The following PTHLH variants were observed in gnomAD, a reference collection of about 807,000 sequenced individuals.
PTHLH encodes parathyroid hormone like hormone, also known as parathyroid hormone-related protein.
A neutral mutation model predicts 18.6 loss-of-function variants in PTHLH; 5 were observed. The ratio of observed to expected loss-of-function variants is 0.27; its 90% CI spans 0.14 to 0.56. PTHLH has a LOEUF of 0.56. Ranked by LOEUF, PTHLH falls within the 20% of genes least tolerant of loss-of-function variation. The pLI, the probability that PTHLH is intolerant of heterozygous loss-of-function variation, is 0.92. For missense variants in PTHLH, 207 were observed against 223.9 expected (o/e 0.92, Z 0.48); for synonymous variants, 90 against 94.0 (o/e 0.96, Z 0.25).
At chr12:27,964,278 TCTCACACA>T (rs2062791874) in intron 4 of PTHLH, among the ~76,000 whole-genome samples, 1 of 141,290 alleles carries the variant, frequency 7.1e-6, no homozygotes, top group Admixed American at 7.1e-5. Flanking sequence ...CCTCTCTCTC[TCTCACACA>T]CACACACACA....
Position 27,963,561 on chromosome 12 carries a change from A to C in PTHLH, c.311T>G (p.Leu104Arg), listed in dbSNP as rs2062781233. 6.2e-7 allele frequency: 1 copy of C among 1,613,920 alleles called. No homozygotes were observed. The highest frequency in any genetic ancestry group is 1.7e-5 in the Admixed American group (1 of 60,000). ...RFGSDDEGRY[L>R]TQETNKVETY... Reference sequence around the variant, plus strand: ...CTCCACCTTGTTAGTTTCCTGAGTTAGGTATCTGCCCTCATCATCAGACCC... The same window carrying C: ...CTCCACCTTGTTAGTTTCCTGAGTTCGGTATCTGCCCTCATCATCAGACCC... The change falls in exon 5 of 6, where the codon CTA becomes CGA. Residue 104 changes from leucine (L) to arginine (R), a missense_variant. Coordinates refer to ENST00000545234, the MANE Select transcript of PTHLH (RefSeq NM_198965.2).
rs1422175031 is a variant in PTHLH, at chr12:27,969,526, A to C, written c.-22-10T>G. On this transcript the variant is annotated splice_polypyrimidine_tract_variant and intron_variant, in intron 3 of 5. Coordinates refer to ENST00000545234, the MANE Select transcript of PTHLH (RefSeq NM_198965.2). ...CGCTCGCGCTCGGGACCTGCAACAG[A>C]AGGGAATGGGACCCGAGTGTCAGTC... 1 of 1,546,334 alleles carries C rather than the reference A, an allele frequency of 6.5e-7. No homozygotes were observed. Among genetic ancestry groups the C allele is most frequent in the Non-Finnish European group, 8.7e-7 (1 of 1,145,692 alleles).
intron 5 of PTHLH, among the ~76,000 whole-genome samples, chr12:27,961,353 A>ACG: frequency 1.4e-5 from 2 of 140,254 alleles, no homozygotes; most frequent in Non-Finnish European, 3.1e-5. Flanking sequence ...TCATAGAAAC[A>ACG]TATCCCCCTA....
intron 5 of PTHLH, chr12:27,963,090 T>C (rs2062775499): frequency 7.2e-7 from 1 of 1,386,214 alleles, no homozygotes; most frequent in African/African-American, 1.5e-5. Context: ...GGTAAAGGAT[T>C]GATGTTGGGT....
At chr12:27,963,202 G>C in intron 5 of PTHLH, 146 bp downstream of exon 5, 1 of 1,533,962 alleles carries the variant, frequency 6.5e-7, no homozygotes, top group Non-Finnish European at 8.7e-7. Context: ...ACAATATTCT[G>C]AGTTATTCTC....
At chr12:27,965,834 T>C (rs935255103) in intron 4 of PTHLH, among the ~76,000 whole-genome samples, 1 of 152,210 alleles carries the variant, frequency 6.6e-6, no homozygotes, top group African/African-American at 2.4e-5. Flanking sequence ...ATTTATAAAA[T>C]AATAGGACAG....
At chr12:27,963,024 AT>A in intron 5 of PTHLH, 1 of 1,229,078 alleles carries the variant, frequency 8.1e-7, no homozygotes, top group Non-Finnish European at 1.0e-6. Flanking sequence ...TCTCCAGCAA[AT>A]TATGAAGATG....
chr12:27,963,466 G>T lies in PTHLH; in HGVS notation c.406C>A (p.Gln136Lys). 1 of 1,614,114 alleles carries T rather than the reference G, an allele frequency of 6.2e-7. No homozygotes were observed. Among genetic ancestry groups the T allele is most frequent in the Non-Finnish European group, 8.5e-7 (1 of 1,180,018 alleles). The change falls in exon 5 of 6, where the codon CAG becomes AAG. Residue 136 changes from glutamine to lysine, a missense_variant. Coordinates refer to ENST00000545234, the MANE Select transcript of PTHLH (RefSeq NM_198965.2). Reference sequence around the variant, plus strand: ...CGAGTTCGCCGTTTTTTCTTTTCCTGCTCCTTGCGTTTCCCGGGCTTGCCT... The same window carrying T: ...CGAGTTCGCCGTTTTTTCTTTTCCTTCTCCTTGCGTTTCCCGGGCTTGCCT... ...KKGKPGKRKE[Q>K]EKKKRRTRSA... is the part of the protein sequence containing the mutation.
chr12:27,958,352 G>GT lies in PTHLH; in HGVS notation c.*206dup. 2.5e-6 allele frequency: 1 copy of GT among 408,094 alleles called. No homozygotes were observed. Among genetic ancestry groups the GT allele is most frequent in the Non-Finnish European group, 4.4e-6 (1 of 229,162 alleles). 25.3% of individuals were successfully genotyped at this position (408,094 alleles called of 1,614,324 possible). A position where few individuals can be genotyped will look rare whatever the true frequency, so the allele number is the denominator to read the frequency against. ...ACATCAATGGACAAAATAAATTATG[G>GT]TAAATGTGATAATAATAATTGGATT... On this transcript the variant is annotated 3_prime_UTR_variant, in exon 6 of 6. Transcript: ENST00000545234.
At chr12:27,968,880 C>A (rs540838361) in intron 4 of PTHLH, among the ~76,000 whole-genome samples, 3 of 152,200 alleles carry the variant, frequency 2.0e-5, no homozygotes, top group African/African-American at 4.8e-5. Flanking sequence ...TTATATAATA[C>A]GCTTTTATTA....
intron 4 of PTHLH, among the ~76,000 whole-genome samples, chr12:27,968,126 A>AC (rs1169211085): frequency 5.9e-5 from 9 of 152,252 alleles, no homozygotes; most frequent in African/African-American, 2.2e-4. Context: ...TTTCAGAAAC[A>AC]CATCGGTAAA....
chr12:27,966,289 C>T (rs771469939), intron 4 of PTHLH, among the ~76,000 whole-genome samples: 6 of 152,162 alleles, frequency 3.9e-5, no homozygotes, highest in Admixed American at 2.6e-4. Flanking sequence ...ACATTGCTTA[C>T]GAGGGACAAA....
At chr12:27,969,131 A>G in intron 4 of PTHLH, 2 of 508,200 alleles carry the variant, frequency 3.9e-6, no homozygotes, top group African/African-American at 1.9e-5. Context: ...ATCTTTCCCT[A>G]GAAGAGATTC....
chr12:27,970,775 G>C (rs1425024659), intron 2 of PTHLH, among the ~76,000 whole-genome samples: 1 of 152,148 alleles, frequency 6.6e-6, no homozygotes, highest in African/African-American at 2.4e-5. Flanking sequence ...GAGCCTGCGC[G>C]GAGAGGACGC....
chr12:27,963,212 C>T (rs2062776876), intron 5 of PTHLH, 136 bp downstream of exon 5: 2 of 1,542,364 alleles, frequency 1.3e-6, no homozygotes, highest in Non-Finnish European at 1.7e-6. Flanking sequence ...GAGTTATTCT[C>T]TGTCAATTGC....
At chr12:27,962,123 C>A (rs749643991) in intron 5 of PTHLH, 25 of 527,312 alleles carry the variant, frequency 4.7e-5, no homozygotes, top group Middle Eastern at 3.1e-4. Flanking sequence ...CCACCTATTT[C>A]AATTCCAAGG....
rs71450770 is a variant in PTHLH at position 27,972,023 on chromosome 12, TAAAAAAAAAAAAAAA to T, written c.-358-19_-358-5del. On this transcript the variant is annotated splice_region_variant and splice_polypyrimidine_tract_variant and intron_variant, in intron 1 of 5. Transcript: ENST00000545234. ...CGTTAGATCTGAAGGGGGAAATCTG[TAAAAAAAAAAAAAAA>T]AAAAAAAAAAAAGTCAATCACAAAT... The T allele has an allele frequency of 3.6e-5, 2 of 55,350 alleles. No individual in the cohort carries two copies. Among genetic ancestry groups the T allele is most frequent in the Non-Finnish European group, 7.1e-5 (2 of 28,018 alleles). The allele number at this position is 55,350 out of a possible 1,614,324, so 3.4% of individuals were successfully genotyped here.
chr12:27,970,598 T>C (rs1462774957), intron 2 of PTHLH, among the ~76,000 whole-genome samples: 1 of 151,856 alleles, frequency 6.6e-6, no homozygotes, highest in Non-Finnish European at 1.5e-5. Context: ...GGCCGGCTCC[T>C]GCCGGCGCGG....
At chr12:27,969,265 G>T (rs1177076822) in intron 4 of PTHLH, 129 bp downstream of exon 4, 14 of 890,488 alleles carry the variant, frequency 1.6e-5, no homozygotes, top group Non-Finnish European at 2.2e-5. Context: ...AGGTATCCGG[G>T]ATGGTCCCTC....
Sources: allele counts gnomAD v4.1 joint callset (sites outside exome capture counted in the v4.1 genomes callset), GRCh38; gene constraint gnomAD v4.1.1; transcripts MANE v1.5; gene names NCBI Gene and HGNC (gene_info 2026-07-23, HGNC 2026-07-21).